Variants in CANX observed in about 807,000 individuals in gnomAD.
CANX encodes the protein epididymis secretory sperm binding protein.
Under a neutral mutation model 75.7 loss-of-function variants are expected in CANX, and 14 were observed. That is an observed-to-expected ratio of 0.19 (90% CI 0.12 to 0.29). CANX has a LOEUF of 0.29. Among genes scored for constraint, CANX ranks in the 10% least tolerant of loss-of-function variants. CANX has a pLI of 1.00. For missense variants in CANX, 567 were observed against 713.2 expected (o/e 0.79, Z 2.34); for synonymous variants, 227 against 236.9 (o/e 0.96, Z 0.38).
Position 179,709,016 on chromosome 5 carries a change from G to A in CANX, c.485G>A (p.Gly162Asp). The stretch of plus-strand genomic sequence containing the variant: ...TTCCAAAATGGAATAGAATGTGGTG[G>A]TGCCTATGTGAAACTGCTTTCTAAA... ...VNFQNGIECG[G>D]AYVKLLSKTP... The change falls in exon 6 of 15, where the codon GGT becomes GAT. Residue 162 changes from glycine to aspartate, a missense_variant. By Grantham distance (94) the Gly-to-Asp change is moderately conservative. Around this residue, in one of 3 missense-constraint regions of CANX, gnomAD observed 351 missense variants for 433.8 expected, o/e 0.81. Transcript: ENST00000247461. 1 of 1,603,800 alleles carries A rather than the reference G, an allele frequency of 6.2e-7. No individual in the cohort carries two copies. Among genetic ancestry groups the A allele is most frequent in the Non-Finnish European group, 8.5e-7 (1 of 1,170,598 alleles).
At chr5:179,707,583 CAA>C (rs1200030925) in intron 4 of CANX, among the ~76,000 whole-genome samples, 1 of 57,308 alleles carries the variant, frequency 1.7e-5, no homozygotes, top group Non-Finnish European at 3.3e-5. Flanking sequence ...GACTCCGTCT[CAA>C]AAAAAAAAAA....
chr5:179,709,949 T>TC lies in CANX; in HGVS notation c.606dup (p.Ile203HisfsTer13). On this transcript the variant is annotated frameshift_variant, in exon 7 of 15. Coordinates refer to ENST00000247461, the MANE Select transcript of CANX (RefSeq NM_001746.4). LOFTEE classifies it high-confidence loss of function. ...TGTGGAGAGGACTATAAACTGCACTTCATCTTCCGACACAAAAACCCCAAA... is the reference window on the plus strand; with the variant it reads ...TGTGGAGAGGACTATAAACTGCACTTCCATCTTCCGACACAAAAACCCCAAA... 1 of 1,613,332 alleles carries TC rather than the reference T, an allele frequency of 6.2e-7. No homozygotes were observed. Among genetic ancestry groups the TC allele is most frequent in the Non-Finnish European group, 8.5e-7 (1 of 1,179,338 alleles).
intron 7 of CANX, among the ~76,000 whole-genome samples, chr5:179,713,468 G>GT (rs2113198421): frequency 6.6e-6 from 1 of 152,350 alleles, no homozygotes; most frequent in East Asian, 1.9e-4. Context: ...AAGCGAGGGA[G>GT]AGGGGTTGAA....
upstream of CANX, chr5:179,694,144 C>CAAAAAAAAAAA (rs55708497): frequency 9.7e-6 from 1 of 102,784 alleles, no homozygotes; most frequent in Admixed American, 1.2e-4. Context: ...AACTCCGTCT[C>CAAAAAAAAAAA]AAAAAAAAAA....
At chr5:179,694,784 G>T, upstream of CANX, 4 of 370,108 alleles carry the variant, frequency 1.1e-5, no homozygotes, top group Admixed American at 5.9e-5. Flanking sequence ...GTGTTTATCT[G>T]TCAAAAAAAA....
chr5:179,702,392 T>TTCCC lies in CANX; in HGVS notation c.-3-3271_-3-3268dup, dbSNP rs894382563. Among the ~76,000 whole-genome samples, 16 of 151,920 alleles carry TTCCC rather than the reference T, an allele frequency of 1.1e-4. No homozygotes were observed. The East Asian group carries it at 1.9e-3, about 18-fold the overall frequency. On this transcript the variant is annotated intron_variant, in intron 1 of 14. Transcript: ENST00000247461. ...AGCTCAGCTTTCTTTCTCTCCCTTC[T>TTCCC]TCCCTCCCTCCCTCCCTCCTTTCCT...
At chr5:179,712,779 A>G (rs1202684771) in intron 7 of CANX, among the ~76,000 whole-genome samples, 1 of 151,342 alleles carries the variant, frequency 6.6e-6, no homozygotes, top group Non-Finnish European at 1.5e-5. Flanking sequence ...GTGGGCGTGC[A>G]GTGGCGTGAT....
intron 1 of CANX, among the ~76,000 whole-genome samples, chr5:179,687,645 G>A (rs1288677012): frequency 6.6e-6 from 1 of 152,140 alleles, no homozygotes; most frequent in Non-Finnish European, 1.5e-5. Context: ...CCAGAAGGTT[G>A]TCTGATGGAC....
intron 10 of CANX, among the ~76,000 whole-genome samples, chr5:179,721,936 T>G (rs1262988782): frequency 6.6e-6 from 1 of 152,168 alleles, no homozygotes; most frequent in Non-Finnish European, 1.5e-5. Flanking sequence ...TTTTTCTGTT[T>G]GTAAATTTTT....
At chr5:179,710,431 G>T (rs1409525736) in intron 7 of CANX, among the ~76,000 whole-genome samples, 3 of 150,220 alleles carry the variant, frequency 2.0e-5, no homozygotes, top group African/African-American at 7.3e-5. Context: ...AAAAAGGCTG[G>T]GCGCGGTGGC....
In CANX at chr5:179,678,656, C is replaced by A. The variant is rs555166898; in HGVS notation, c.-125C>A. On this transcript the variant is annotated 5_prime_UTR_variant, in exon 1 of 15. Transcript: ENST00000681674. ...GGCGCCTGCGCGCTTGCGCATCTTC[C>A]TCTGCCCGGCGCGCGCCGCAGCCGT... 8 of 1,535,066 alleles carry A rather than the reference C, an allele frequency of 5.2e-6. No homozygotes were observed. In the Admixed American group the frequency reaches 7.9e-5, roughly 15 times the overall value.
chr5:179,681,263 GAATGAA>G (rs1171437120), intron 1 of CANX, among the ~76,000 whole-genome samples: 4 of 152,168 alleles, frequency 2.6e-5, no homozygotes, highest in African/African-American at 9.7e-5. Context: ...CTTGGCAGGG[GAATGAA>G]GGGAGTGATC....
At chr5:179,694,912 A>C (rs909714605), upstream of CANX, 1 of 302,518 alleles carries the variant, frequency 3.3e-6, no homozygotes, top group Non-Finnish European at 6.2e-6. Context: ...ATGGAGAGAC[A>C]AGCTATGAGA....
chr5:179,679,054 C>T, intron 1 of CANX: 4 of 1,534,430 alleles, frequency 2.6e-6, no homozygotes, highest in South Asian at 2.4e-5. Context: ...GCGAGAAGGG[C>T]CGCGAGATGT....
In CANX at chr5:179,708,392, G is replaced by A. The variant is rs1237813022; in HGVS notation, c.446+12G>A. ...CCTCTCATTGTTCAGTAAGTGAAAT[G>A]CTTGTTGGATAAAAGCTTTCTGCAA... On this transcript the variant is annotated intron_variant, in intron 5 of 14. Transcript: ENST00000247461. 6.2e-7 allele frequency: 1 copy of A among 1,610,130 alleles called. No homozygotes were observed. Among genetic ancestry groups the A allele is most frequent in the Admixed American group, 1.7e-5 (1 of 59,626 alleles).
At chr5:179,690,311 C>T (rs1776276844) in intron 1 of CANX, among the ~76,000 whole-genome samples, 1 of 152,206 alleles carries the variant, frequency 6.6e-6, no homozygotes, top group Admixed American at 6.6e-5. Flanking sequence ...CGCAGTGGCT[C>T]ACGCCTGTAA....
Position 179,709,999 on chromosome 5 carries a change from G to T in CANX, c.655G>T (p.Ala219Ser). Residue 219 changes from alanine (A) to serine (S), a missense_variant, in exon 7 of 15, where the codon GCT becomes TCT. Ala to Ser is a moderately conservative substitution (Grantham distance 99). This residue lies in a region of CANX where 351 missense variants were observed against 433.8 expected (regional missense o/e 0.81). Transcript: ENST00000247461. ...AACGGGTATCTATGAAGAAAAACAT[G>T]CTAAGAGGCCAGATGCAGATCTGAA... is the stretch of plus-strand genomic sequence containing the variant. ...PKTGIYEEKHAKRPDADLKTY... is the reference protein window; with the variant it reads ...PKTGIYEEKHSKRPDADLKTY... 6.2e-7 allele frequency: 1 copy of T among 1,613,152 alleles called. No homozygotes were observed. The highest frequency in any genetic ancestry group is 8.5e-7 in the Non-Finnish European group (1 of 1,179,240).
At chr5:179,726,875 C>A in intron 14 of CANX, 116 bp downstream of exon 14, 2 of 691,136 alleles carry the variant, frequency 2.9e-6, no homozygotes, top group Non-Finnish European at 5.1e-6. Context: ...TCTGTTAAAG[C>A]CAATTTTGTT....
chr5:179,716,245 G>A lies in CANX; in HGVS notation c.862G>A (p.Asp288Asn). ...AGAAGACCGGAAGCCCGAGGATTGGGATGAAAGACCAAAAATCCCAGATCC... is the reference window on the plus strand; with the variant it reads ...AGAAGACCGGAAGCCCGAGGATTGGAATGAAAGACCAAAAATCCCAGATCC... ...DPEDRKPEDW[D>N]ERPKIPDPEA... The change falls in exon 8 of 15, where the codon GAT becomes AAT. Residue 288 changes from aspartate (D) to asparagine (N), a missense_variant. By Grantham distance (23) the Asp-to-Asn change is conservative. This residue lies in a region of CANX where 351 missense variants were observed against 433.8 expected (regional missense o/e 0.81). Transcript: ENST00000247461. The A allele has an allele frequency of 6.2e-7, 1 of 1,614,168 alleles. No homozygotes were observed. Among genetic ancestry groups the A allele is most frequent in the Non-Finnish European group, 8.5e-7 (1 of 1,180,026 alleles).
Sources: allele counts gnomAD v4.1 joint callset (sites outside exome capture counted in the v4.1 genomes callset), GRCh38; gene constraint gnomAD v4.1.1; regional missense constraint gnomAD v4.1.1; transcripts MANE v1.5; gene names NCBI Gene and HGNC (gene_info 2026-07-23, HGNC 2026-07-21).